ADAMTS6: variants seen among roughly 807,000 people sequenced by gnomAD.
The protein encoded by ADAMTS6 is ADAM metallopeptidase with thrombospondin type 1 motif 6, also known as A disintegrin and metalloproteinase with thrombospondin motifs 6.
In ADAMTS6, 23 loss-of-function variants were observed where a neutral mutation model predicts 144.3. The ratio of observed to expected loss-of-function variants is 0.16; its 90% confidence interval spans 0.11 to 0.23. ADAMTS6 has a LOEUF of 0.23. Among genes scored for constraint, ADAMTS6 ranks in the 10% least tolerant of loss-of-function variants. ADAMTS6 has a pLI of 1.00. For synonymous variants in ADAMTS6, 444 were observed against 457.5 expected (o/e 0.97, Z 0.38); for missense variants, 999 against 1,379.6 (o/e 0.72, Z 4.37).
At chr5:65,328,002 G>T (rs1746331746) in intron 9 of ADAMTS6, among the ~76,000 whole-genome samples, 1 of 151,388 alleles carries the variant, frequency 6.6e-6, no homozygotes, top group Admixed American at 6.6e-5. Flanking sequence ...AAGATAAACT[G>T]CTTGGTTAAG....
In ADAMTS6 at chr5:65,148,868, T is replaced by G. The variant is rs557466002; in HGVS notation, c.*2968A>C. On this transcript the variant is annotated 3_prime_UTR_variant, in exon 25 of 25. Coordinates refer to ENST00000381055, the MANE Select transcript of ADAMTS6 (RefSeq NM_197941.4). Reference sequence around the variant, plus strand: ...TTTTCATTACAAGCAGGAGAATGAATGTAGGACAAGTGTTAGGAAACATGG... The same window carrying G: ...TTTTCATTACAAGCAGGAGAATGAAGGTAGGACAAGTGTTAGGAAACATGG... 31 of 152,730 alleles carry G rather than the reference T, an allele frequency of 2.0e-4. No individual in the cohort carries two copies. The East Asian group carries it at 6.0e-3, about 29-fold the overall frequency. The allele number at this position is 152,730 out of a possible 1,614,324, so 9.5% of individuals were successfully genotyped here. A position where few individuals can be genotyped will look rare whatever the true frequency, so the allele number is the denominator to read the frequency against.
At chr5:65,332,225 G>A (rs981256613) in intron 8 of ADAMTS6, among the ~76,000 whole-genome samples, 8 of 149,510 alleles carry the variant, frequency 5.4e-5, no homozygotes, top group African/African-American at 1.7e-4. Flanking sequence ...ATACAATGAA[G>A]AGCATATGTA....
At chr5:65,369,452 G>C (rs1283690743) in intron 7 of ADAMTS6, among the ~76,000 whole-genome samples, 1 of 151,532 alleles carries the variant, frequency 6.6e-6, no homozygotes, top group Admixed American at 6.6e-5. Context: ...ACATCAGAAA[G>C]AAAAACTATC....
chr5:65,297,000 T>C (rs923264423), intron 10 of ADAMTS6: 3 of 221,468 alleles, frequency 1.4e-5, no homozygotes, highest in African/African-American at 7.0e-5. Flanking sequence ...GCCTGGTAAA[T>C]TGGTCCATAG....
chr5:65,212,090 G>A (rs1338126263), intron 20 of ADAMTS6, among the ~76,000 whole-genome samples: 1 of 152,150 alleles, frequency 6.6e-6, no homozygotes, highest in African/African-American at 2.4e-5. Flanking sequence ...GCAGATTAAT[G>A]CGCCCCACTC....
intron 7 of ADAMTS6, among the ~76,000 whole-genome samples, chr5:65,393,899 T>C (rs1258099413): frequency 2.0e-5 from 3 of 152,226 alleles, no homozygotes. Flanking sequence ...TGTTCATTTG[T>C]GTCAGGAAAA....
At chr5:65,289,032 A>G (rs1192833954) in intron 11 of ADAMTS6, among the ~76,000 whole-genome samples, 1 of 152,236 alleles carries the variant, frequency 6.6e-6, no homozygotes, top group African/African-American at 2.4e-5. Context: ...TTTGTTAGTA[A>G]CATATTGCAC....
Position 65,424,934 on chromosome 5 carries a change from A to G in ADAMTS6, c.1073+26541T>C, listed in dbSNP as rs77723214. On this transcript the variant is annotated intron_variant, in intron 7 of 24. Transcript: ENST00000381055. ...CCTTTTGAATTTAATTCCGCTGTAT[A>G]ATTTTTTACTCCCTTGGTTTCAACT... Among the ~76,000 whole-genome samples, 133 of 152,146 alleles carry G rather than the reference A, an allele frequency of 8.7e-4. No homozygotes were observed. The East Asian group carries it at 0.023, about 26-fold the overall frequency.
chr5:65,462,367 G>A (rs1399365969), intron 3 of ADAMTS6, among the ~76,000 whole-genome samples: 1 of 152,138 alleles, frequency 6.6e-6, no homozygotes, highest in Non-Finnish European at 1.5e-5. Flanking sequence ...TGATTTGCTG[G>A]GGAAAAATGA....
chr5:65,471,113 G>C lies in ADAMTS6; in HGVS notation c.127C>G (p.Gln43Glu), dbSNP rs376982428. 3.1e-6 allele frequency: 5 copies of C among 1,604,704 alleles called. No individual in the cohort carries two copies. The African/African-American group carries it at 6.7e-5, about 22-fold the overall frequency. The change falls in exon 3 of 25, where the codon CAG (glutamine) becomes GAG (glutamate). Residue 43 changes from glutamine to glutamate, a missense_variant. Around this residue, in one of 3 missense-constraint regions of ADAMTS6, gnomAD observed 252 missense variants for 293.7 expected, o/e 0.86. Coordinates refer to ENST00000381055, the MANE Select transcript of ADAMTS6 (RefSeq NM_197941.4). ...TCAACCCTTATTGGAATAGTTAGCTGGTAGTGTTCAAGATAAGTCAGGAAT... is the reference window on the plus strand; with the variant it reads ...TCAACCCTTATTGGAATAGTTAGCTCGTAGTGTTCAAGATAAGTCAGGAAT... Reference protein sequence around the residue: ...EEFLTYLEHYQLTIPIRVDQN... With the variant: ...EEFLTYLEHYELTIPIRVDQN...
chr5:65,341,083 A>G (rs765785120), intron 7 of ADAMTS6, among the ~76,000 whole-genome samples: 25 of 152,168 alleles, frequency 1.6e-4, no homozygotes, highest in Middle Eastern at 3.4e-3. Flanking sequence ...AACGTATGAA[A>G]TTAAACAACA....
intron 20 of ADAMTS6, among the ~76,000 whole-genome samples, chr5:65,213,264 T>TC (rs1756660974): frequency 6.6e-6 from 1 of 150,664 alleles, no homozygotes; most frequent in East Asian, 1.9e-4. Flanking sequence ...TTATTCATCT[T>TC]TTTTGTTTTT....
intron 15 of ADAMTS6, among the ~76,000 whole-genome samples, chr5:65,226,944 G>A (rs985697475): frequency 2.0e-5 from 3 of 152,114 alleles, no homozygotes; most frequent in Non-Finnish European, 2.9e-5. Flanking sequence ...ACAAACAGAA[G>A]TTTCTGCTAC....
chr5:65,321,552 C>T (rs908748499), intron 9 of ADAMTS6, among the ~76,000 whole-genome samples: 2 of 151,966 alleles, frequency 1.3e-5, no homozygotes, highest in African/African-American at 2.4e-5. Flanking sequence ...AATTAAATCC[C>T]ATTAGTCAAT....
chr5:65,232,250 C>G (rs891571889), intron 15 of ADAMTS6, among the ~76,000 whole-genome samples: 6 of 151,962 alleles, frequency 3.9e-5, no homozygotes, highest in African/African-American at 1.4e-4. Flanking sequence ...CAATAAATGT[C>G]TAACATGAAA....
intron 7 of ADAMTS6, among the ~76,000 whole-genome samples, chr5:65,391,717 C>T (rs969390714): frequency 1.3e-5 from 2 of 151,476 alleles, no homozygotes; most frequent in African/African-American, 2.4e-5. Context: ...TTTCAACAGC[C>T]TCTTTGTCTT....
rs759456813 is a variant in ADAMTS6 at position 65,215,380 on chromosome 5, C to T, written c.2380G>A (p.Asp794Asn). ...GTAFHYKRPTDEPESLEALGP... is the reference protein window; with the variant it reads ...GTAFHYKRPTNEPESLEALGP... ...AGAGCTTCCAAGGATTCTGGTTCAT[C>T]AGTTGGTCTCTTGTAATGAAAAGCT... is the stretch of plus-strand genomic sequence containing the variant. Residue 794 changes from aspartate to asparagine, a missense_variant, in exon 19 of 25, where the codon GAT becomes AAT. Transcript: ENST00000381055. 6.2e-7 allele frequency: 1 copy of T among 1,614,074 alleles called. No individual in the cohort carries two copies. Among genetic ancestry groups the T allele is most frequent in the Non-Finnish European group, 8.5e-7 (1 of 1,179,962 alleles).
chr5:65,190,570 C>T (rs562873108), intron 21 of ADAMTS6, among the ~76,000 whole-genome samples: 1 of 152,086 alleles, frequency 6.6e-6, no homozygotes, highest in Non-Finnish European at 1.5e-5. Context: ...GGGATGGAGG[C>T]CTTCAAATTA....
intron 7 of ADAMTS6, among the ~76,000 whole-genome samples, chr5:65,392,604 T>C (rs888130300): frequency 3.9e-5 from 6 of 152,352 alleles, no homozygotes; most frequent in Middle Eastern, 3.4e-3. Flanking sequence ...TCTTGTTATA[T>C]GACCCCATTG....
Sources: allele counts gnomAD v4.1 joint callset (sites outside exome capture counted in the v4.1 genomes callset), GRCh38; gene constraint gnomAD v4.1.1; regional missense constraint gnomAD v4.1.1; transcripts MANE v1.5; gene names NCBI Gene and HGNC (gene_info 2026-07-23, HGNC 2026-07-21).